The following IGFBP7 variants were observed in gnomAD, a reference collection of about 807,000 sequenced individuals.
The protein encoded by IGFBP7 is insulin-like growth factor-binding protein 7.
Under a neutral mutation model 29.4 loss-of-function variants are expected in IGFBP7, and 31 were observed. The ratio of observed to expected loss-of-function variants is 1.05; its 90% CI spans 0.79 to 1.42. The LOEUF is 1.42. Among genes scored for constraint, IGFBP7 ranks in the 40% most tolerant of loss-of-function variants. The pLI is 0.00. For missense variants in IGFBP7, 393 were observed against 395.5 expected (o/e 0.99, Z 0.05); for synonymous variants, 172 against 174.9 (o/e 0.98, Z 0.13).
chr4:57,085,926 A>G (rs1725487417), intron 1 of IGFBP7, among the ~76,000 whole-genome samples: 1 of 151,994 alleles, frequency 6.6e-6, no homozygotes, highest in African/African-American at 2.4e-5. Flanking sequence ...GTCCTGCTCA[A>G]TTTTGATTCT....
intron 2 of IGFBP7, among the ~76,000 whole-genome samples, chr4:57,036,688 C>T (rs1000770608): frequency 6.6e-6 from 1 of 152,128 alleles, no homozygotes; most frequent in Non-Finnish European, 1.5e-5. Context: ...AAAGACCACT[C>T]GCCAGGCTGT....
intron 1 of IGFBP7, among the ~76,000 whole-genome samples, chr4:57,077,387 C>T (rs1440561554): frequency 6.6e-6 from 1 of 152,138 alleles, no homozygotes; most frequent in Admixed American, 6.5e-5. Context: ...AAGCGATTCT[C>T]CTGCCTCAGC....
Position 57,086,419 on chromosome 4 carries a change from T to A in IGFBP7, c.475+23458A>T, listed in dbSNP as rs112932442. Among the ~76,000 whole-genome samples, 818 of 152,282 alleles carry A rather than the reference T, an allele frequency of 5.4e-3. 4 individuals are homozygous for A. Among genetic ancestry groups the A allele is most frequent in the Middle Eastern group, 0.01 (3 of 294 alleles). ...AAGCCCCTTCCACCCTTTGGGTCCCTTGCACTCACCCACTAATGGACTTTC... is the reference window on the plus strand; with the variant it reads ...AAGCCCCTTCCACCCTTTGGGTCCCATGCACTCACCCACTAATGGACTTTC... On this transcript the variant is annotated intron_variant, in intron 1 of 4. Coordinates refer to ENST00000295666, the MANE Select transcript of IGFBP7 (RefSeq NM_001553.3).
chr4:57,079,268 G>A (rs1376744709), intron 1 of IGFBP7, among the ~76,000 whole-genome samples: 1 of 152,030 alleles, frequency 6.6e-6, no homozygotes, highest in Non-Finnish European at 1.5e-5. Context: ...AATTGCAGGT[G>A]ATACGTGGCA....
chr4:57,080,410 C>T (rs1394562296), intron 1 of IGFBP7, among the ~76,000 whole-genome samples: 1 of 152,180 alleles, frequency 6.6e-6, no homozygotes, highest in Non-Finnish European at 1.5e-5. Flanking sequence ...ACAACGGAAG[C>T]TGATATATTC....
intron 1 of IGFBP7, among the ~76,000 whole-genome samples, chr4:57,059,045 A>G (rs1724736509): frequency 6.6e-6 from 1 of 152,224 alleles, no homozygotes; most frequent in Non-Finnish European, 1.5e-5. Context: ...CCACAATGAG[A>G]TACCATCTTA....
At chr4:57,063,123 TC>T (rs569479023) in intron 1 of IGFBP7, among the ~76,000 whole-genome samples, 172 of 152,054 alleles carry the variant, frequency 1.1e-3, no homozygotes, top group African/African-American at 3.9e-3. Context: ...TCTAGAATAT[TC>T]CCCCCATTTC....
rs57704332 is a variant in IGFBP7 at position 57,084,788 on chromosome 4, G to GTTTTTTTTTTTTTTTTTTTTTT, written c.475+25088_475+25089insAAAAAAAAAAAAAAAAAAAAAA. ...CTTTTTACTCAGATGTTTAAAAAAGGTTTTTTTTTTTTTTTTTTTTGGGAC... is the reference window on the plus strand; with the variant it reads ...CTTTTTACTCAGATGTTTAAAAAAGGTTTTTTTTTTTTTTTTTTTTTTTTTTTTTTTTTTTTTTTTTTGGGAC... On this transcript the variant is annotated intron_variant, in intron 1 of 4. Coordinates refer to ENST00000295666, the MANE Select transcript of IGFBP7 (RefSeq NM_001553.3). 3.5e-5 allele frequency among the ~76,000 whole-genome samples: 4 copies of GTTTTTTTTTTTTTTTTTTTTTT among 113,104 alleles called. 1 individual carries two copies. Among genetic ancestry groups the GTTTTTTTTTTTTTTTTTTTTTT allele is most frequent in the Non-Finnish European group, 3.4e-5 (2 of 58,094 alleles). The allele number at this position is 113,104 out of a possible 152,430, so 74.2% of individuals were successfully genotyped here.
chr4:57,042,796 G>A (rs1476218151), intron 1 of IGFBP7, among the ~76,000 whole-genome samples: 1 of 152,218 alleles, frequency 6.6e-6, no homozygotes, highest in Non-Finnish European at 1.5e-5. Flanking sequence ...GAGCAGTTGT[G>A]GCTGAGACTG....
At chr4:57,061,652 T>C (rs1419343159) in intron 1 of IGFBP7, among the ~76,000 whole-genome samples, 3 of 152,188 alleles carry the variant, frequency 2.0e-5, no homozygotes, top group Non-Finnish European at 4.4e-5. Context: ...TACTCAGGAC[T>C]GTGTGGAATG....
intron 1 of IGFBP7, among the ~76,000 whole-genome samples, chr4:57,050,367 C>T (rs748749966): frequency 2.2e-4 from 33 of 151,940 alleles, no homozygotes; most frequent in Non-Finnish European, 4.9e-4. Context: ...GCCTCATCCT[C>T]CTGAGTAGCT....
intron 1 of IGFBP7, among the ~76,000 whole-genome samples, chr4:57,086,244 C>T (rs1401470010): frequency 5.3e-5 from 8 of 152,180 alleles, no homozygotes; most frequent in Non-Finnish European, 1.2e-4. Context: ...AACCTGCCTC[C>T]ATGATTCAAT....
chr4:57,035,518 G>A (rs1241929535), intron 2 of IGFBP7, among the ~76,000 whole-genome samples: 4 of 152,058 alleles, frequency 2.6e-5, no homozygotes, highest in Non-Finnish European at 4.4e-5. Context: ...GCAGTGGTGC[G>A]ATCTCAGCTC....
chr4:57,103,655 C>CTTTTTT (rs1560510152), intron 1 of IGFBP7, among the ~76,000 whole-genome samples: 15 of 63,684 alleles, frequency 2.4e-4, no homozygotes, highest in South Asian at 7.2e-4. Context: ...TTTTTTTTTT[C>CTTTTTT]TTTTCTTTTT....
Position 57,032,543 on chromosome 4 carries a change from G to A in IGFBP7, c.712C>T (p.Leu238=), listed in dbSNP as rs1192155332. The A allele has an allele frequency of 1.9e-6, 3 of 1,612,860 alleles. No homozygotes were observed. Among genetic ancestry groups the A allele is most frequent in the Non-Finnish European group, 2.5e-6 (3 of 1,178,994 alleles). The change falls in exon 4 of 5, where the codon CTA becomes TTA. Residue 238 remains leucine, a synonymous_variant. Transcript: ENST00000295666. ...TATTCTCCAGCATCTTCCTTACTTAGAGGAGATACCTGTGAAAGAAAAAAG... is the reference window on the plus strand; with the variant it reads ...TATTCTCCAGCATCTTCCTTACTTAAAGGAGATACCTGTGAAAGAAAAAAG... ...EVTGWVLVSP[L]SKEDAGEYEC...
intron 1 of IGFBP7, among the ~76,000 whole-genome samples, chr4:57,059,989 G>T (rs1724761995): frequency 6.6e-6 from 1 of 152,156 alleles, no homozygotes; most frequent in South Asian, 2.1e-4. Context: ...ACATGGAATG[G>T]ATTAATTTGT....
At chr4:57,045,893 T>C (rs1724346500) in intron 1 of IGFBP7, among the ~76,000 whole-genome samples, 1 of 152,046 alleles carries the variant, frequency 6.6e-6, no homozygotes, top group Non-Finnish European at 1.5e-5. Context: ...GCCTGGCTAA[T>C]TTTTGTATTT....
intron 1 of IGFBP7, among the ~76,000 whole-genome samples, chr4:57,050,245 GTTTTT>G (rs10547708): frequency 7.3e-6 from 1 of 137,124 alleles, no homozygotes. Context: ...TTTTATTTAA[GTTTTT>G]TTTTTTTTTT....
At chr4:57,101,693 C>G (rs1054279793) in intron 1 of IGFBP7, among the ~76,000 whole-genome samples, 1 of 151,822 alleles carries the variant, frequency 6.6e-6, no homozygotes, top group African/African-American at 2.4e-5. Context: ...GTTTCCCCCC[C>G]TCCCCCCATT....
Sources: gnomAD v4.1 joint callset for allele counts (sites outside exome capture counted in the v4.1 genomes callset) on GRCh38, gnomAD v4.1.1 for gene constraint, MANE v1.5 for transcripts, NCBI Gene and HGNC (gene_info 2026-07-23, HGNC 2026-07-21) for gene names.